Variants in PTPRM observed in about 807,000 individuals in gnomAD.
The protein encoded by PTPRM is receptor-type tyrosine-protein phosphatase mu.
In PTPRM, 47 loss-of-function variants were observed where a neutral mutation model predicts 186.7. That is an observed-to-expected ratio of 0.25 (90% CI 0.20 to 0.32). PTPRM has a LOEUF of 0.32. PTPRM is among the 10% of genes least tolerant of loss of function. The pLI is 1.00. For synonymous variants in PTPRM, 668 were observed against 674.9 expected, an observed-to-expected ratio of 0.99 and a Z score of 0.16; for missense variants, 1,494 against 1,865.0, an observed-to-expected ratio of 0.80 and a Z score of 3.66.
At chr18:7,917,017 A>G (rs1265763634) in intron 4 of PTPRM, among the ~76,000 whole-genome samples, 1 of 152,122 alleles carries the variant, frequency 6.6e-6, no homozygotes, top group Non-Finnish European at 1.5e-5. Context: ...TCTCTCTTAC[A>G]TGAGTGAGAA....
chr18:8,304,830 T>A (rs1246476210), intron 20 of PTPRM, among the ~76,000 whole-genome samples: 1 of 151,908 alleles, frequency 6.6e-6, no homozygotes, highest in African/African-American at 2.4e-5. Flanking sequence ...TATTTTTTTT[T>A]TTTTTTTGCT....
chr18:8,037,661 A>T (rs1568228505), intron 7 of PTPRM, among the ~76,000 whole-genome samples: 12 of 151,598 alleles, frequency 7.9e-5, no homozygotes. Flanking sequence ...TCCTCTGATT[A>T]TTTTTTTTTC....
intron 7 of PTPRM, among the ~76,000 whole-genome samples, chr18:8,056,588 C>A (rs2087961496): frequency 1.3e-5 from 2 of 151,700 alleles, no homozygotes; most frequent in Non-Finnish European, 2.9e-5. Context: ...TGCCACCACA[C>A]TCCAGCCTGG....
chr18:7,611,624 T>C (rs1309785746), intron 1 of PTPRM, among the ~76,000 whole-genome samples: 1 of 152,092 alleles, frequency 6.6e-6, no homozygotes, highest in Non-Finnish European at 1.5e-5. Context: ...CCAAATCTCA[T>C]CTTGAATTCC....
At chr18:7,862,735 G>A (rs912492171) in intron 2 of PTPRM, among the ~76,000 whole-genome samples, 9 of 152,182 alleles carry the variant, frequency 5.9e-5, no homozygotes, top group African/African-American at 9.7e-5. Flanking sequence ...CTCAATAAAT[G>A]TAACAAACTC....
intron 1 of PTPRM, among the ~76,000 whole-genome samples, chr18:7,701,628 T>C (rs770321198): frequency 9.9e-5 from 15 of 151,836 alleles, no homozygotes; most frequent in Non-Finnish European, 2.2e-4. Context: ...TAAAGCATAT[T>C]GAGGAGAGAA....
At chr18:8,278,208 G>A (rs546231737) in intron 19 of PTPRM, among the ~76,000 whole-genome samples, 4 of 152,320 alleles carry the variant, frequency 2.6e-5, no homozygotes, top group East Asian at 3.9e-4. Flanking sequence ...TATACAGCAG[G>A]CAAAGTTGCT....
chr18:7,739,194 T>G (rs1319513583), intron 1 of PTPRM, among the ~76,000 whole-genome samples: 1 of 152,170 alleles, frequency 6.6e-6, no homozygotes, highest in African/African-American at 2.4e-5. Flanking sequence ...TTACTGAGCT[T>G]TTTCCCCTTT....
At chr18:7,981,279 T>C (rs1488906551) in intron 7 of PTPRM, among the ~76,000 whole-genome samples, 1 of 152,110 alleles carries the variant, frequency 6.6e-6, no homozygotes, top group Non-Finnish European at 1.5e-5. Flanking sequence ...TTTTTAAACA[T>C]CTAATATCCC....
chr18:7,663,484 T>G (rs1392743480), intron 1 of PTPRM, among the ~76,000 whole-genome samples: 40 of 152,178 alleles, frequency 2.6e-4, no homozygotes. Flanking sequence ...TAAGTGTTCT[T>G]GATATTTTGT....
At chr18:7,845,986 G>C (rs1599027990) in intron 2 of PTPRM, among the ~76,000 whole-genome samples, 1 of 152,294 alleles carries the variant, frequency 6.6e-6, no homozygotes, top group East Asian at 1.9e-4. Context: ...AAGCTTGGCT[G>C]TTCTTTCAGA....
intron 14 of PTPRM, among the ~76,000 whole-genome samples, chr18:8,150,179 G>T (rs574209929): frequency 1.3e-5 from 2 of 152,096 alleles, no homozygotes; most frequent in Non-Finnish European, 2.9e-5. Flanking sequence ...TCCTGAAATT[G>T]AATGTTAGCC....
chr18:8,302,152 A>G (rs1242737552), intron 20 of PTPRM, among the ~76,000 whole-genome samples: 4 of 152,244 alleles, frequency 2.6e-5, no homozygotes, highest in African/African-American at 9.6e-5. Flanking sequence ...TTAAGGGCAC[A>G]GAAGGAGTTA....
At chr18:8,248,621 G>A (rs9964029) in intron 17 of PTPRM, among the ~76,000 whole-genome samples, 4,981 of 152,194 alleles carry the variant, frequency 0.033, 247 homozygotes, top group African/African-American at 0.11. Flanking sequence ...TTTAAAAGTA[G>A]CGTTTTTCTA....
chr18:8,176,159 C>T (rs1011797116), intron 14 of PTPRM, among the ~76,000 whole-genome samples: 2 of 151,886 alleles, frequency 1.3e-5, no homozygotes, highest in Non-Finnish European at 1.5e-5. Context: ...AAAATTCATC[C>T]AGTATTTGGA....
At chr18:8,160,756 C>T (rs556939479) in intron 14 of PTPRM, among the ~76,000 whole-genome samples, 1 of 152,322 alleles carries the variant, frequency 6.6e-6, no homozygotes, top group East Asian at 1.9e-4. Context: ...CCAGGCAGCT[C>T]TTCTCGCTGT....
chr18:8,053,879 C>G (rs2087694680), intron 7 of PTPRM, among the ~76,000 whole-genome samples: 1 of 151,920 alleles, frequency 6.6e-6, no homozygotes, highest in African/African-American at 2.4e-5. Context: ...TATTCCTGGG[C>G]TCCTTATATC....
chr18:7,723,610 A>G (rs1319828573), intron 1 of PTPRM, among the ~76,000 whole-genome samples: 1 of 152,122 alleles, frequency 6.6e-6, no homozygotes, highest in African/African-American at 2.4e-5. Context: ...AGAACCGTGT[A>G]AGTTTCCTCT....
intron 14 of PTPRM, among the ~76,000 whole-genome samples, chr18:8,185,336 C>T (rs539591561): frequency 6.6e-6 from 1 of 152,278 alleles, no homozygotes; most frequent in Admixed American, 6.5e-5. Flanking sequence ...TCACCAGGCC[C>T]CCCAGGAGCC....
Sources: gnomAD v4.1 joint callset for allele counts (sites outside exome capture counted in the v4.1 genomes callset) on GRCh38, gnomAD v4.1.1 for gene constraint, MANE v1.5 for transcripts, NCBI Gene and HGNC (gene_info 2026-07-23, HGNC 2026-07-21) for gene names.